Variants in MOB3B observed in about 807,000 individuals in gnomAD.
The protein encoded by MOB3B is MOB kinase activator-like 2B.
In MOB3B, 7 loss-of-function variants were observed where a neutral mutation model predicts 18.7. The ratio of observed to expected loss-of-function variants is 0.37; its 90% CI spans 0.21 to 0.70. The LOEUF (loss-of-function observed/expected upper bound fraction) is 0.70, where lower values mean the gene tolerates loss of function less well. Among genes scored for constraint, MOB3B ranks in the 30% least tolerant of loss-of-function variants. The pLI is 0.52. For missense variants in MOB3B, 253 were observed against 281.3 expected (o/e 0.90, Z 0.72); for synonymous variants, 111 against 99.9 (o/e 1.11, Z -0.66).
At chr9:27,445,727 G>A (rs2131439168) in intron 2 of MOB3B, among the ~76,000 whole-genome samples, 1 of 152,060 alleles carries the variant, frequency 6.6e-6, no homozygotes, top group East Asian at 1.9e-4. Flanking sequence ...TGAAGAGAGT[G>A]ATCCACAAGT....
At chr9:27,464,117 T>C (rs567104317) in intron 1 of MOB3B, among the ~76,000 whole-genome samples, 1 of 152,210 alleles carries the variant, frequency 6.6e-6, no homozygotes, top group South Asian at 2.1e-4. Context: ...TAAAAGAAAC[T>C]ATGACTTTTG....
intron 3 of MOB3B, among the ~76,000 whole-genome samples, chr9:27,354,937 A>G (rs946977353): frequency 6.6e-6 from 1 of 152,222 alleles, no homozygotes; most frequent in Non-Finnish European, 1.5e-5. Context: ...CTTAGCTAAC[A>G]TTTCTTAAGC....
rs150417470 is a variant in MOB3B, at chr9:27,391,458, C to T, written c.419-32222G>A. ...TTCACCTCTCTTGGGTCAATAATCC[C>T]GTCATGTAATGAGTTATGTTATTGT... On this transcript the variant is annotated intron_variant, in intron 2 of 3. Coordinates refer to ENST00000262244, the MANE Select transcript of MOB3B (RefSeq NM_024761.5). 6.4e-3 allele frequency among the ~76,000 whole-genome samples: 980 copies of T among 152,218 alleles called. 19 individuals are homozygous for T. The highest frequency in any genetic ancestry group is 4.9e-3 in the Non-Finnish European group (334 of 68,032).
chr9:27,343,624 A>G (rs1249384201), intron 3 of MOB3B, among the ~76,000 whole-genome samples: 1 of 151,972 alleles, frequency 6.6e-6, no homozygotes, highest in Non-Finnish European at 1.5e-5. Flanking sequence ...AATGTACTTA[A>G]TAAGGCAAAA....
intron 2 of MOB3B, among the ~76,000 whole-genome samples, chr9:27,365,214 C>T (rs963000242): frequency 2.0e-5 from 3 of 147,554 alleles, no homozygotes; most frequent in African/African-American, 7.5e-5. Context: ...TTGCCAGACT[C>T]CTGATATATA....
intron 1 of MOB3B, among the ~76,000 whole-genome samples, chr9:27,519,728 T>G (rs1820294718): frequency 6.6e-6 from 1 of 152,206 alleles, no homozygotes; most frequent in Admixed American, 6.5e-5. Flanking sequence ...TTTTACCATA[T>G]GCACATATCC....
chr9:27,385,958 A>G (rs1439160720), intron 2 of MOB3B, among the ~76,000 whole-genome samples: 1 of 152,218 alleles, frequency 6.6e-6, no homozygotes, highest in Non-Finnish European at 1.5e-5. Flanking sequence ...ATTCGCTGAC[A>G]CTTTGCCCTC....
At chr9:27,404,455 TC>T (rs1821936946) in intron 2 of MOB3B, among the ~76,000 whole-genome samples, 1 of 148,986 alleles carries the variant, frequency 6.7e-6, no homozygotes, top group South Asian at 2.1e-4. Context: ...ACTGCAAAGT[TC>T]AAGCGATTCT....
chr9:27,481,807 G>C (rs1819661727), intron 1 of MOB3B, among the ~76,000 whole-genome samples: 1 of 152,134 alleles, frequency 6.6e-6, no homozygotes, highest in South Asian at 2.1e-4. Context: ...TTACAGGCGT[G>C]AGCCACCGCG....
intron 2 of MOB3B, among the ~76,000 whole-genome samples, chr9:27,374,872 C>T (rs1013914135): frequency 6.6e-6 from 1 of 152,190 alleles, no homozygotes; most frequent in African/African-American, 2.4e-5. Flanking sequence ...CCCATTCATT[C>T]CATTTATTTA....
chr9:27,344,057 A>G (rs796227032), intron 3 of MOB3B, among the ~76,000 whole-genome samples: 104 of 152,238 alleles, frequency 6.8e-4, no homozygotes, highest in African/African-American at 2.3e-3. Context: ...TAGTTAAGAC[A>G]CTAAATTTCC....
chr9:27,335,468 C>CTT (rs1413222075), intron 3 of MOB3B, among the ~76,000 whole-genome samples: 2 of 152,180 alleles, frequency 1.3e-5, no homozygotes, highest in East Asian at 3.8e-4. Flanking sequence ...TTAGAGCTGG[C>CTT]TTGATGTGCT....
At chr9:27,527,557 G>A (rs1009354041) in intron 1 of MOB3B, among the ~76,000 whole-genome samples, 3 of 152,148 alleles carry the variant, frequency 2.0e-5, no homozygotes, top group East Asian at 1.9e-4. Flanking sequence ...CCAAGCTTCT[G>A]GTATCCACTG....
chr9:27,409,897 G>A (rs1822038426), intron 2 of MOB3B, among the ~76,000 whole-genome samples: 1 of 151,308 alleles, frequency 6.6e-6, no homozygotes, highest in Admixed American at 6.6e-5. Flanking sequence ...ACAGAAAGTG[G>A]AATAGAGGTT....
intron 2 of MOB3B, among the ~76,000 whole-genome samples, chr9:27,431,495 T>C (rs907245607): frequency 6.6e-5 from 10 of 152,190 alleles, no homozygotes; most frequent in African/African-American, 2.4e-4. Context: ...AGACAAAGCC[T>C]TTCTTGGGAG....
At chr9:27,411,311 C>T (rs1411055854) in intron 2 of MOB3B, among the ~76,000 whole-genome samples, 1 of 152,154 alleles carries the variant, frequency 6.6e-6, no homozygotes, top group Non-Finnish European at 1.5e-5. Context: ...CTCTTCATCC[C>T]ACGCAAGGTT....
chr9:27,393,549 T>G (rs892108930), intron 2 of MOB3B, among the ~76,000 whole-genome samples: 5 of 152,168 alleles, frequency 3.3e-5, no homozygotes, highest in East Asian at 1.9e-4. Flanking sequence ...ATGGTAGACC[T>G]GGGTGGAGGA....
At chr9:27,346,064 G>C (rs1821027389) in intron 3 of MOB3B, among the ~76,000 whole-genome samples, 1 of 152,220 alleles carries the variant, frequency 6.6e-6, no homozygotes, top group African/African-American at 2.4e-5. Context: ...AAGTGACTAA[G>C]TGATGAGGAT....
chr9:27,395,979 C>T (rs983922727), intron 2 of MOB3B, among the ~76,000 whole-genome samples: 2 of 152,132 alleles, frequency 1.3e-5, no homozygotes, highest in African/African-American at 4.8e-5. Context: ...TATTGTGTTA[C>T]TGGCTGGGAG....
Sources: allele counts gnomAD v4.1 joint callset (sites outside exome capture counted in the v4.1 genomes callset), GRCh38; gene constraint gnomAD v4.1.1; transcripts MANE v1.5; gene names NCBI Gene and HGNC (gene_info 2026-07-23, HGNC 2026-07-21).